Variants in NETO1 observed in about 807,000 individuals in gnomAD.
The protein encoded by NETO1 is neuropilin and tolloid like 1.
In NETO1, 26 loss-of-function variants were observed where a neutral mutation model predicts 61.3. That is an observed-to-expected ratio of 0.42 (90% CI 0.31 to 0.59). The LOEUF (loss-of-function observed/expected upper bound fraction) is 0.59, where lower values mean the gene tolerates loss of function less well. Among genes scored for constraint, NETO1 ranks in the 20% least tolerant of loss-of-function variants. The pLI is 0.12. For synonymous variants in NETO1, 225 were observed against 225.8 expected (o/e 1.00, Z 0.03); for missense variants, 531 against 662.8 (o/e 0.80, Z 2.18).
intron 6 of NETO1, among the ~76,000 whole-genome samples, chr18:72,793,140 C>T (rs540331802): frequency 6.6e-6 from 1 of 152,140 alleles, no homozygotes; most frequent in Non-Finnish European, 1.5e-5. Context: ...GTGTAGCTGG[C>T]AGAGTGCTTG....
chr18:72,844,461 T>C (rs548796147), intron 4 of NETO1, among the ~76,000 whole-genome samples: 16 of 152,210 alleles, frequency 1.1e-4, no homozygotes, highest in Non-Finnish European at 2.2e-4. Flanking sequence ...CTTTCTAAAA[T>C]TGTCTGTGAA....
chr18:72,828,717 G>A (rs963018228), intron 4 of NETO1, among the ~76,000 whole-genome samples: 10 of 152,036 alleles, frequency 6.6e-5, no homozygotes, highest in African/African-American at 2.2e-4. Flanking sequence ...AGAAGATGAA[G>A]ATAAAATCTT....
intron 4 of NETO1, among the ~76,000 whole-genome samples, chr18:72,805,870 TG>T (rs1426756508): frequency 6.6e-6 from 1 of 152,148 alleles, no homozygotes; most frequent in Non-Finnish European, 1.5e-5. Flanking sequence ...AAAATATGTT[TG>T]AGTATGATGT....
At chr18:72,862,365 C>T (rs1370225737) in intron 3 of NETO1, among the ~76,000 whole-genome samples, 4 of 152,180 alleles carry the variant, frequency 2.6e-5, no homozygotes, top group African/African-American at 7.2e-5. Flanking sequence ...TTATGACGTA[C>T]ATATATACAT....
chr18:72,780,661 T>C (rs145074258), intron 7 of NETO1, among the ~76,000 whole-genome samples: 1 of 152,334 alleles, frequency 6.6e-6, no homozygotes, highest in African/African-American at 2.4e-5. Flanking sequence ...AAATTTTGAA[T>C]ATCACAACTC....
At chr18:72,758,172 G>T (rs1028209059) in intron 7 of NETO1, among the ~76,000 whole-genome samples, 2 of 152,076 alleles carry the variant, frequency 1.3e-5, no homozygotes, top group African/African-American at 4.8e-5. Context: ...ATCCAAATGG[G>T]ATTGTGTCTG....
In NETO1 at chr18:72,749,016, T is replaced by C; in HGVS notation, c.*12A>G. ...AGGAACCAAGGGCATCTGCTTACCTTGAATTTTCTTTCTAGACCCTAGTTG... is the reference window on the plus strand; with the variant it reads ...AGGAACCAAGGGCATCTGCTTACCTCGAATTTTCTTTCTAGACCCTAGTTG... On this transcript the variant is annotated splice_region_variant and 3_prime_UTR_variant, in exon 10 of 11. Coordinates refer to ENST00000327305, the MANE Select transcript of NETO1 (RefSeq NM_138966.5). 1 of 1,602,146 alleles carries C rather than the reference T, an allele frequency of 6.2e-7. No homozygotes were observed. Among genetic ancestry groups the C allele is most frequent in the Non-Finnish European group, 8.6e-7 (1 of 1,169,550 alleles).
intron 7 of NETO1, among the ~76,000 whole-genome samples, chr18:72,768,468 A>G (rs1308274595): frequency 6.6e-6 from 1 of 152,198 alleles, no homozygotes; most frequent in African/African-American, 2.4e-5. Context: ...ACAGAAATAC[A>G]AATTCTACTG....
intron 4 of NETO1, among the ~76,000 whole-genome samples, chr18:72,845,134 C>T (rs2074046517): frequency 6.6e-6 from 1 of 152,190 alleles, no homozygotes; most frequent in Non-Finnish European, 1.5e-5. Flanking sequence ...GGTTAATAAC[C>T]TGTTGTTGAA....
At chr18:72,846,276 G>A (rs1480725469) in intron 4 of NETO1, among the ~76,000 whole-genome samples, 1 of 151,600 alleles carries the variant, frequency 6.6e-6, no homozygotes, top group Non-Finnish European at 1.5e-5. Flanking sequence ...AGGGCAAGGT[G>A]GGTGGATCAC....
chr18:72,776,527 T>C (rs1181685705), intron 7 of NETO1, among the ~76,000 whole-genome samples: 1 of 152,172 alleles, frequency 6.6e-6, no homozygotes. Flanking sequence ...CTCACTGTTT[T>C]GGAGACTGGG....
intron 4 of NETO1, among the ~76,000 whole-genome samples, chr18:72,827,492 A>G (rs1357619444): frequency 6.6e-6 from 1 of 152,160 alleles, no homozygotes; most frequent in African/African-American, 2.4e-5. Context: ...GCAGGAGAAA[A>G]TTTGAGAAAC....
chr18:72,862,149 T>C (rs770211378), intron 3 of NETO1, among the ~76,000 whole-genome samples: 23 of 152,204 alleles, frequency 1.5e-4, no homozygotes, highest in African/African-American at 3.9e-4. Flanking sequence ...TCATTTTAGA[T>C]GAAGACACCG....
intron 4 of NETO1, among the ~76,000 whole-genome samples, chr18:72,841,278 G>A (rs1356625397): frequency 1.3e-5 from 2 of 152,184 alleles, no homozygotes; most frequent in Admixed American, 6.5e-5. Context: ...TGAGATGGCA[G>A]GATGAAATGG....
At position 72,750,352 on chromosome 18, in the gene NETO1, G is replaced by GTAATT. The variant is rs1302942759; in HGVS notation, c.1246_1250dup (p.Tyr417Ter). 6.2e-7 allele frequency: 1 copy of GTAATT among 1,614,056 alleles called. No homozygotes were observed. The highest frequency in any genetic ancestry group is 8.5e-7 in the Non-Finnish European group (1 of 1,180,008). On this transcript the variant is annotated stop_gained and frameshift_variant, in exon 9 of 11. Transcript: ENST00000327305. LOFTEE classifies it high-confidence loss of function. Reference sequence around the variant, plus strand: ...TGGAAGATGACCTCCGCAGTTTATGGTAATTTTCAAAGTCATCTGCCACAT... The same window carrying GTAATT: ...TGGAAGATGACCTCCGCAGTTTATGGTAATTTAATTTTCAAAGTCATCTGCCACAT...
intron 6 of NETO1, among the ~76,000 whole-genome samples, chr18:72,787,087 AC>A (rs1172821432): frequency 4.0e-5 from 6 of 149,022 alleles, no homozygotes; most frequent in Non-Finnish European, 9.0e-5. Context: ...ACTTTTGTTT[AC>A]TTTTTTGACT....
At chr18:72,755,603 T>C (rs1405440089) in intron 8 of NETO1, among the ~76,000 whole-genome samples, 1 of 152,050 alleles carries the variant, frequency 6.6e-6, no homozygotes, top group Non-Finnish European at 1.5e-5. Context: ...GTGAAGTAGC[T>C]GGAAGTAACT....
Position 72,827,075 on chromosome 18 carries a change from C to T in NETO1, c.469+31751G>A, listed in dbSNP as rs914791116. 2.2e-5 allele frequency among the ~76,000 whole-genome samples: 3 copies of T among 136,352 alleles called. No individual in the cohort carries two copies. In the South Asian group the frequency reaches 6.9e-4, roughly 31 times the overall value. The allele number at this position is 136,352 out of a possible 152,430, so 89.5% of individuals were successfully genotyped here. A position where few individuals can be genotyped will look rare whatever the true frequency, so the allele number is the denominator to read the frequency against. On this transcript the variant is annotated intron_variant, in intron 4 of 10. Coordinates refer to ENST00000327305, the MANE Select transcript of NETO1 (RefSeq NM_138966.5). ...AAGGATCCCCAGAGAACCGCCCAGCCATATTCAATGCTTTCTTTTTTTTTT... is the reference window on the plus strand; with the variant it reads ...AAGGATCCCCAGAGAACCGCCCAGCTATATTCAATGCTTTCTTTTTTTTTT...
At chr18:72,793,506 C>G (rs1415103797) in intron 6 of NETO1, among the ~76,000 whole-genome samples, 2 of 152,058 alleles carry the variant, frequency 1.3e-5, no homozygotes, top group Admixed American at 1.3e-4. Context: ...TCAGGGTGAT[C>G]AACATAAAAT....
Sources: allele counts gnomAD v4.1 joint callset (sites outside exome capture counted in the v4.1 genomes callset), GRCh38; gene constraint gnomAD v4.1.1; transcripts MANE v1.5; gene names NCBI Gene and HGNC (gene_info 2026-07-23, HGNC 2026-07-21).